The following SHQ1 variants were observed in gnomAD, a reference collection of about 807,000 sequenced individuals.
SHQ1 encodes SHQ1, H/ACA ribonucleoprotein assembly factor, also known as protein SHQ1 homolog.
In SHQ1, 49 loss-of-function variants were observed where a neutral mutation model predicts 53.8. The ratio of observed to expected loss-of-function variants is 0.91; its 90% CI spans 0.72 to 1.16. The LOEUF is 1.16. SHQ1 is among the 50% of genes most tolerant of loss of function. The pLI is 0.00. For missense variants in SHQ1, 738 were observed against 683.1 expected (o/e 1.08, Z -0.90); for synonymous variants, 243 against 251.0 (o/e 0.97, Z 0.30).
chr3:72,795,449 T>G (rs1057222994), intron 9 of SHQ1: 2 of 152,160 alleles, frequency 1.3e-5, no homozygotes, highest in Admixed American at 6.5e-5. Context: ...TAATCAAAAT[T>G]TGCAGGCATG....
chr3:72,804,036 G>A (rs1453683989), intron 9 of SHQ1, among the ~76,000 whole-genome samples: 5 of 152,004 alleles, frequency 3.3e-5, no homozygotes, highest in Non-Finnish European at 7.4e-5. Flanking sequence ...CCTGCCTCGG[G>A]ATCCCAAGTA....
intron 6 of SHQ1, among the ~76,000 whole-genome samples, chr3:72,818,115 T>A (rs1174177767): frequency 6.6e-6 from 1 of 152,028 alleles, no homozygotes. Flanking sequence ...GCATACCTAC[T>A]AGGGAGTTTA....
chr3:72,814,279 A>C (rs1431307654), intron 8 of SHQ1, among the ~76,000 whole-genome samples: 4 of 152,238 alleles, frequency 2.6e-5, no homozygotes, highest in Non-Finnish European at 4.4e-5. Context: ...GCTAACACAG[A>C]AACCGATTCC....
chr3:72,767,016 C>T (rs545186600), intron 10 of SHQ1, among the ~76,000 whole-genome samples: 1 of 152,154 alleles, frequency 6.6e-6, no homozygotes, highest in East Asian at 1.9e-4. Context: ...AATACCAAAT[C>T]AGACCACACA....
At chr3:72,818,887 G>A (rs982629811) in intron 6 of SHQ1, among the ~76,000 whole-genome samples, 2 of 152,146 alleles carry the variant, frequency 1.3e-5, no homozygotes, top group Admixed American at 1.3e-4. Flanking sequence ...CAACAAAGTA[G>A]GGGCCTCAGT....
In SHQ1 at chr3:72,766,778, G is replaced by A. The variant is rs146956387; in HGVS notation, c.1182-15942C>T. Among the ~76,000 whole-genome samples, 41 of 152,214 alleles carry A rather than the reference G, an allele frequency of 2.7e-4. 1 individual carries two copies. The highest frequency in any genetic ancestry group is 9.2e-4 in the Admixed American group (14 of 15,286). ...CAGGCCTCTTTTAAGGACTTCATGA[G>A]CCATTTTATTGAAGTCTAATCAATC... On this transcript the variant is annotated intron_variant, in intron 10 of 10. Transcript: ENST00000325599.
chr3:72,767,497 C>T (rs1358306100), intron 10 of SHQ1, among the ~76,000 whole-genome samples: 5 of 152,200 alleles, frequency 3.3e-5, no homozygotes, highest in African/African-American at 1.2e-4. Context: ...CAAATTAAGT[C>T]TCCTAGAATA....
In SHQ1 at chr3:72,792,938, A is replaced by T; in HGVS notation, c.1159T>A (p.Cys387Ser). 1 of 1,610,200 alleles carries T rather than the reference A, an allele frequency of 6.2e-7. No individual in the cohort carries two copies. The highest frequency in any genetic ancestry group is 8.5e-7 in the Non-Finnish European group (1 of 1,179,490). Reference sequence around the variant, plus strand: ...TACTTGACTTTCTGAATCCACACACAGTAGTCTGAGATGTAGAGATCATTC... The same window carrying T: ...TACTTGACTTTCTGAATCCACACACTGTAGTCTGAGATGTAGAGATCATTC... ...ILNDLYISDY[C>S]VWIQKVKSKK... is the part of the protein sequence containing the mutation. The change falls in exon 10 of 11, where the codon TGT becomes AGT. Residue 387 changes from cysteine (C) to serine (S), a missense_variant. Cys to Ser is a moderately radical substitution (Grantham distance 112, BLOSUM62 -1). Coordinates refer to ENST00000325599, the MANE Select transcript of SHQ1 (RefSeq NM_018130.3).
At position 72,813,760 on chromosome 3, in the gene SHQ1, C is replaced by CAA. The variant is rs757465696; in HGVS notation, c.937-968_937-967dup. Among the ~76,000 whole-genome samples, 385 of 40,236 alleles carry CAA rather than the reference C, an allele frequency of 9.6e-3. 4 individuals carry two copies. The highest frequency in any genetic ancestry group is 0.032 in the African/African-American group (351 of 10,964). 26.4% of individuals were successfully genotyped at this position (40,236 alleles called of 152,430 possible). On this transcript the variant is annotated intron_variant, in intron 8 of 10. Transcript: ENST00000325599. ...TAGGTGACAGAGCGAGACACCATCT[C>CAA]AAAAAAAAAAAAAAAAAAAAATACA...
At chr3:72,764,983 T>C (rs1416997669) in intron 10 of SHQ1, among the ~76,000 whole-genome samples, 2 of 152,166 alleles carry the variant, frequency 1.3e-5, no homozygotes, top group Non-Finnish European at 2.9e-5. Flanking sequence ...CTCTGTCCCA[T>C]CCCTCTTACA....
chr3:72,788,204 C>T (rs914704662), intron 10 of SHQ1, among the ~76,000 whole-genome samples: 10 of 151,586 alleles, frequency 6.6e-5, no homozygotes, highest in Admixed American at 5.3e-4. Flanking sequence ...GCCCCTCTGC[C>T]CGGCCGCCCA....
chr3:72,812,771 G>C lies in SHQ1; in HGVS notation c.960C>G (p.Ile320Met), dbSNP rs763830634. 15 of 1,613,984 alleles carry C rather than the reference G, an allele frequency of 9.3e-6. No homozygotes were observed. The South Asian group carries it at 1.5e-4, about 17-fold the overall frequency. The stretch of plus-strand genomic sequence containing the variant: ...ACACCCTTCTTCCAAAAGACACCAT[G>C]ATATCATGAACGTTAGTCCAAGTCT... ...WFETWTNVHD[I>M]MVSFGRRVLC... The change falls in exon 9 of 11, where the codon ATC becomes ATG. Residue 320 changes from isoleucine (I) to methionine (M), a missense_variant. Ile to Met is a conservative substitution (Grantham distance 10). Coordinates refer to ENST00000325599, the MANE Select transcript of SHQ1 (RefSeq NM_018130.3).
intron 10 of SHQ1, chr3:72,773,122 A>T: frequency 9.1e-6 from 7 of 766,804 alleles, no homozygotes; most frequent in South Asian, 8.5e-5. Context: ...AATTGAGCTC[A>T]AAGTCATGAA....
intron 10 of SHQ1, among the ~76,000 whole-genome samples, chr3:72,765,954 A>G (rs1575679978): frequency 6.6e-6 from 1 of 152,216 alleles, no homozygotes; most frequent in African/African-American, 2.4e-5. Context: ...GATAATAAAT[A>G]CTAAAATAAT....
At chr3:72,734,323 C>A in the SHQ1 span, among the ~76,000 whole-genome samples, 5 of 151,086 alleles carry the variant, frequency 3.3e-5, 1 homozygote, top group Non-Finnish European at 7.4e-5. Context: ...GTGATGTGAT[C>A]TCGACTCACT....
chr3:72,752,509 A>C (rs1158763161), intron 10 of SHQ1, among the ~76,000 whole-genome samples: 1 of 152,144 alleles, frequency 6.6e-6, no homozygotes, highest in Non-Finnish European at 1.5e-5. Context: ...TTTATGAGAA[A>C]ACCATTTCAT....
chr3:72,781,785 A>C (rs889460290), intron 10 of SHQ1, among the ~76,000 whole-genome samples: 1 of 150,978 alleles, frequency 6.6e-6, no homozygotes, highest in Admixed American at 6.6e-5. Flanking sequence ...TCACATCACT[A>C]AAAAAAAAGG....
downstream of SHQ1, among the ~76,000 whole-genome samples, chr3:72,745,004 A>G (rs1705233763): frequency 6.7e-6 from 1 of 150,030 alleles, no homozygotes. Flanking sequence ...TTATAATTTT[A>G]TTCCTATACT....
At chr3:72,767,669 T>A (rs1381354460) in intron 10 of SHQ1, among the ~76,000 whole-genome samples, 1 of 152,180 alleles carries the variant, frequency 6.6e-6, no homozygotes, top group African/African-American at 2.4e-5. Flanking sequence ...TAATTAGAAC[T>A]GAAGAGTTGC....
Sources: gnomAD v4.1 joint callset for allele counts (sites outside exome capture counted in the v4.1 genomes callset) on GRCh38, gnomAD v4.1.1 for gene constraint, MANE v1.5 for transcripts, NCBI Gene and HGNC (gene_info 2026-07-23, HGNC 2026-07-21) for gene names.